RFX3: variants seen among roughly 807,000 people sequenced by gnomAD.
RFX3 encodes the protein transcription factor RFX3.
A neutral mutation model predicts 98.6 loss-of-function variants in RFX3; 14 were observed. That is an observed-to-expected ratio of 0.14 (90% CI 0.09 to 0.22). The LOEUF is 0.22. Ranked by LOEUF, RFX3 falls within the 10% of genes least tolerant of loss-of-function variation. The probability of loss-of-function intolerance (pLI) is 1.00; values close to 1 mark genes in which losing one functional copy is unlikely to be tolerated. For missense variants in RFX3, 639 were observed against 926.9 expected (o/e 0.69, Z 4.03); for synonymous variants, 383 against 328.4 (o/e 1.17, Z -1.80).
chr9:3,468,908 CA>C (rs1848550645), intron 1 of RFX3, among the ~76,000 whole-genome samples: 1 of 147,572 alleles, frequency 6.8e-6, no homozygotes, highest in Non-Finnish European at 1.5e-5. Context: ...AATGTAAAAA[CA>C]AGTTGAAAAA....
intron 1 of RFX3, among the ~76,000 whole-genome samples, chr9:3,409,113 A>G (rs1842243231): frequency 1.3e-5 from 2 of 152,236 alleles, no homozygotes; most frequent in African/African-American, 4.8e-5. Context: ...TGGCCTACCC[A>G]TGTAATATTC....
At position 3,220,854 on chromosome 9, in the gene RFX3, C is replaced by T. The variant is rs906401765; in HGVS notation, c.*4188G>A. The T allele has an allele frequency of 6.6e-6, 1 of 152,140 alleles. No homozygotes were observed. The highest frequency in any genetic ancestry group is 2.4e-5 in the African/African-American group (1 of 41,450). The allele number at this position is 152,140 out of a possible 1,614,324, so 9.4% of individuals were successfully genotyped here. A position where few individuals can be genotyped will look rare whatever the true frequency, so the allele number is the denominator to read the frequency against. Reference sequence around the variant, plus strand: ...ATTCCAGTTTTTAAAAATCACCAAACTTGCAGAAATACTAGGATTCCATTA... The same window carrying T: ...ATTCCAGTTTTTAAAAATCACCAAATTTGCAGAAATACTAGGATTCCATTA... On this transcript the variant is annotated 3_prime_UTR_variant, in exon 17 of 17. Transcript: ENST00000617270.
chr9:3,327,311 C>T (rs1471692287), intron 4 of RFX3, among the ~76,000 whole-genome samples: 2 of 152,090 alleles, frequency 1.3e-5, no homozygotes, highest in African/African-American at 4.8e-5. Context: ...TTTCACGGCA[C>T]TTCAACTTTG....
intron 1 of RFX3, among the ~76,000 whole-genome samples, chr9:3,435,011 A>G (rs1844988522): frequency 6.6e-6 from 1 of 151,892 alleles, no homozygotes; most frequent in African/African-American, 2.4e-5. Flanking sequence ...CTAAACATAG[A>G]AAAGGTACAG....
rs747309396 is a variant in RFX3, at chr9:3,395,485, G to C, written c.104C>G (p.Pro35Arg). 2 of 1,614,074 alleles carry C rather than the reference G, an allele frequency of 1.2e-6. No individual in the cohort carries two copies. The highest frequency in any genetic ancestry group is 1.7e-6 in the Non-Finnish European group (2 of 1,179,976). The change falls in exon 2 of 17, where the codon CCA (proline) becomes CGA (arginine). Residue 35 changes from proline (P) to arginine (R), a missense_variant. Physicochemically the swap from Pro to Arg is moderately radical, Grantham distance 103. Transcript: ENST00000617270. ...GCAGCTCCTTACCTGTTGTTGTACT[G>C]GTACTTGCTGTACCACCTGCGTAGG... ...AVPTQVVQQV[P>R]VQQQVQQVQT...
At chr9:3,375,630 T>C (rs1053067416) in intron 2 of RFX3, among the ~76,000 whole-genome samples, 1 of 152,240 alleles carries the variant, frequency 6.6e-6, no homozygotes, top group Admixed American at 6.5e-5. Context: ...AAAGGTTACT[T>C]ACACCTATGT....
chr9:3,247,515 G>C lies in RFX3; in HGVS notation c.1968+517C>G, dbSNP rs527578338. On this transcript the variant is annotated intron_variant, in intron 15 of 16. Coordinates refer to ENST00000617270, the MANE Select transcript of RFX3 (RefSeq NM_001282116.2). ...AACGTATCTCAAAGACTTGCATTAAGTGCTTTATTACATGTAAAAAACATA... is the reference window on the plus strand; with the variant it reads ...AACGTATCTCAAAGACTTGCATTAACTGCTTTATTACATGTAAAAAACATA... The C allele has an allele frequency of 8.6e-6, 7 of 814,688 alleles. No individual in the cohort carries two copies. In the African/African-American group the frequency reaches 1.3e-4, roughly 15 times the overall value. The allele number at this position is 814,688 out of a possible 1,614,324, so 50.5% of individuals were successfully genotyped here.
At chr9:3,290,588 T>C (rs1018808433) in intron 6 of RFX3, among the ~76,000 whole-genome samples, 1 of 152,152 alleles carries the variant, frequency 6.6e-6, no homozygotes, top group Non-Finnish European at 1.5e-5. Flanking sequence ...AAAAGTACTA[T>C]AGAAACAAAA....
intron 6 of RFX3, among the ~76,000 whole-genome samples, chr9:3,289,640 T>C (rs1827082017): frequency 6.6e-6 from 1 of 152,054 alleles, no homozygotes; most frequent in African/African-American, 2.4e-5. Flanking sequence ...CTGAGTTTCT[T>C]TTTGGTTTCC....
chr9:3,309,614 A>G (rs1039351277), intron 4 of RFX3, among the ~76,000 whole-genome samples: 6 of 152,210 alleles, frequency 3.9e-5, no homozygotes, highest in African/African-American at 1.4e-4. Flanking sequence ...ATGATGTCCA[A>G]TAAACGTTGT....
At chr9:3,327,086 G>C (rs1021906899) in intron 4 of RFX3, among the ~76,000 whole-genome samples, 1 of 151,940 alleles carries the variant, frequency 6.6e-6, no homozygotes, top group Non-Finnish European at 1.5e-5. Context: ...CTTGAGTCTT[G>C]ACCAACAAAT....
intron 1 of RFX3, among the ~76,000 whole-genome samples, chr9:3,427,303 T>G (rs1331591451): frequency 1.4e-5 from 2 of 142,902 alleles, no homozygotes; most frequent in Non-Finnish European, 3.0e-5. Flanking sequence ...TAAATATATA[T>G]TGTATTACAT....
At chr9:3,373,971 G>A (rs1257667841) in intron 2 of RFX3, among the ~76,000 whole-genome samples, 8 of 151,942 alleles carry the variant, frequency 5.3e-5, no homozygotes, top group African/African-American at 1.5e-4. Context: ...CCAGCTACTC[G>A]GGAGGCTGAA....
chr9:3,320,704 G>C (rs1031874282), intron 4 of RFX3, among the ~76,000 whole-genome samples: 1 of 144,048 alleles, frequency 6.9e-6, no homozygotes, highest in African/African-American at 2.6e-5. Context: ...ATGTGTGTGT[G>C]CATATATATA....
intron 15 of RFX3, among the ~76,000 whole-genome samples, chr9:3,239,768 G>T (rs557093256): frequency 6.6e-6 from 1 of 152,222 alleles, no homozygotes; most frequent in Non-Finnish European, 1.5e-5. Flanking sequence ...TCCATTGCCA[G>T]TCCCTTTCCT....
At chr9:3,312,095 A>C (rs1830027376) in intron 4 of RFX3, among the ~76,000 whole-genome samples, 1 of 152,362 alleles carries the variant, frequency 6.6e-6, no homozygotes, top group Non-Finnish European at 1.5e-5. Context: ...CTAACTGAAT[A>C]GAGTAGAAAA....
chr9:3,373,860 C>G (rs565060266), intron 2 of RFX3, among the ~76,000 whole-genome samples: 2 of 152,284 alleles, frequency 1.3e-5, no homozygotes, highest in African/African-American at 4.8e-5. Context: ...AGGCAGATCA[C>G]GAAGTCAGGA....
chr9:3,308,378 G>A (rs1829572872), intron 4 of RFX3, among the ~76,000 whole-genome samples: 1 of 152,160 alleles, frequency 6.6e-6, no homozygotes, highest in South Asian at 2.1e-4. Flanking sequence ...TTCAGAAGAT[G>A]AAGAGGGGGA....
chr9:3,443,065 A>G (rs117451664), intron 1 of RFX3, among the ~76,000 whole-genome samples: 5,195 of 152,316 alleles, frequency 0.034, 122 homozygotes, highest in Non-Finnish European at 0.049. Context: ...AGATTTGGAC[A>G]GTCACTCAAG....
Sources: allele counts gnomAD v4.1 joint callset (sites outside exome capture counted in the v4.1 genomes callset), GRCh38; gene constraint gnomAD v4.1.1; transcripts MANE v1.5; gene names NCBI Gene and HGNC (gene_info 2026-07-23, HGNC 2026-07-21).